TGFBR3: variants seen among roughly 807,000 people sequenced by gnomAD.
TGFBR3 encodes the protein transforming growth factor beta receptor type 3.
TGFBR3 carries 46 observed loss-of-function variants against 87.9 expected under a neutral mutation model. The observed-to-expected ratio is 0.52, with a 90% confidence interval of 0.41 to 0.67. The LOEUF (loss-of-function observed/expected upper bound fraction) is 0.67, where lower values mean the gene tolerates loss of function less well. Among genes scored for constraint, TGFBR3 ranks in the 30% least tolerant of loss-of-function variants. TGFBR3 has a pLI of 0.00. For synonymous variants in TGFBR3, 381 were observed against 391.6 expected (o/e 0.97, Z 0.32); for missense variants, 866 against 1,041.9 (o/e 0.83, Z 2.32).
At chr1:91,803,628 C>A (rs1464795503) in intron 2 of TGFBR3, among the ~76,000 whole-genome samples, 1 of 151,806 alleles carries the variant, frequency 6.6e-6, no homozygotes, top group African/African-American at 2.4e-5. Flanking sequence ...GTAGCTTAAC[C>A]TACCCTAATT....
intron 3 of TGFBR3, among the ~76,000 whole-genome samples, chr1:91,780,551 C>T (rs866655303): frequency 2.5e-3 from 193 of 77,048 alleles, no homozygotes; most frequent in Admixed American, 4.8e-3. Context: ...GGGTCTAAGG[C>T]TTTTTTTTTT....
rs1557654477 is a variant in TGFBR3 at position 91,683,697 on chromosome 1, A to C, written c.*42T>G. On this transcript the variant is annotated 3_prime_UTR_variant, in exon 17 of 17. Coordinates refer to ENST00000212355, the MANE Select transcript of TGFBR3 (RefSeq NM_003243.5). ...CCTGCCCTTGGCAGTAGCTGAGCTG[A>C]GCTGGGCTGGGCTGGGTTGGGCCGG... 6.8e-7 allele frequency: 1 copy of C among 1,478,474 alleles called. No individual in the cohort carries two copies. The highest frequency in any genetic ancestry group is 9.1e-7 in the Non-Finnish European group (1 of 1,100,808). The allele number at this position is 1,478,474 out of a possible 1,614,324, so 91.6% of individuals were successfully genotyped here. A position where few individuals can be genotyped will look rare whatever the true frequency, so the allele number is the denominator to read the frequency against.
intron 3 of TGFBR3, among the ~76,000 whole-genome samples, chr1:91,779,737 C>A (rs974530270): frequency 1.4e-5 from 2 of 140,708 alleles, no homozygotes; most frequent in Admixed American, 1.4e-4. Context: ...GCATGGAACT[C>A]AAACTAATGT....
chr1:91,902,821 G>A (rs2479874), intron 1 of TGFBR3, among the ~76,000 whole-genome samples: 35 of 152,036 alleles, frequency 2.3e-4, no homozygotes, highest in East Asian at 3.9e-4. Context: ...AGTAGAGTTC[G>A]CATCAGAGAC....
At chr1:91,700,695 G>A (rs2100729961) in intron 14 of TGFBR3, among the ~76,000 whole-genome samples, 1 of 152,318 alleles carries the variant, frequency 6.6e-6, no homozygotes. Context: ...GCTAACTACA[G>A]AATGCACTAC....
intron 2 of TGFBR3, among the ~76,000 whole-genome samples, chr1:91,891,776 T>A (rs1425387308): frequency 6.6e-6 from 1 of 152,064 alleles, no homozygotes; most frequent in Non-Finnish European, 1.5e-5. Flanking sequence ...TAACCTATTA[T>A]CACAGACAGA....
chr1:91,803,648 G>T (rs1675726743), intron 2 of TGFBR3, among the ~76,000 whole-genome samples: 1 of 151,534 alleles, frequency 6.6e-6, no homozygotes, highest in South Asian at 2.1e-4. Context: ...TAATGTACTT[G>T]CCTTCTTTTA....
intron 7 of TGFBR3, among the ~76,000 whole-genome samples, chr1:91,725,479 T>C (rs1672518399): frequency 6.6e-6 from 1 of 152,224 alleles, no homozygotes; most frequent in South Asian, 2.1e-4. Flanking sequence ...TATAAGGAGA[T>C]AGGCATTACC....
chr1:91,696,091 A>G (rs937826396), intron 15 of TGFBR3, among the ~76,000 whole-genome samples: 8 of 152,226 alleles, frequency 5.3e-5, no homozygotes, highest in Non-Finnish European at 1.0e-4. Context: ...CTAAGGACCT[A>G]CTATTTGAAT....
chr1:91,881,638 C>T (rs529243956), intron 1 of TGFBR3, among the ~76,000 whole-genome samples: 21 of 152,200 alleles, frequency 1.4e-4, no homozygotes, highest in Middle Eastern at 6.8e-3. Context: ...GTAGTATAAG[C>T]GCAATGCTAA....
chr1:91,734,338 C>G (rs963837058), intron 5 of TGFBR3, among the ~76,000 whole-genome samples: 3 of 152,134 alleles, frequency 2.0e-5, no homozygotes, highest in Non-Finnish European at 4.4e-5. Context: ...TGTCTCAGCA[C>G]CACAAACTGA....
chr1:91,690,086 A>G (rs2100699979), intron 16 of TGFBR3, among the ~76,000 whole-genome samples: 1 of 152,320 alleles, frequency 6.6e-6, no homozygotes, highest in Non-Finnish European at 1.5e-5. Context: ...CCGAAACCTA[A>G]GCCAACAGTG....
rs1049568491 is a variant in TGFBR3 at position 91,719,531 on chromosome 1, A to G, written c.1414-67T>C. ...GCAGTTCTGTTGTATAATTGACACA[A>G]TTGACAATTGCCTGGTCTTCCAAGG... On this transcript the variant is annotated intron_variant, in intron 9 of 16. Transcript: ENST00000212355. The G allele has an allele frequency of 6.3e-6, 10 of 1,586,596 alleles. No homozygotes were observed. In the African/African-American group the frequency reaches 1.2e-4, roughly 19 times the overall value.
chr1:91,739,497 C>T (rs952510667), intron 4 of TGFBR3, among the ~76,000 whole-genome samples: 1 of 152,172 alleles, frequency 6.6e-6, no homozygotes, highest in African/African-American at 2.4e-5. Flanking sequence ...TTATAGCACA[C>T]CTTCTGCACT....
chr1:91,724,166 A>G (rs1263446662), intron 7 of TGFBR3, among the ~76,000 whole-genome samples: 2 of 152,194 alleles, frequency 1.3e-5, no homozygotes, highest in African/African-American at 4.8e-5. Flanking sequence ...TAGATTCAGA[A>G]TATTTTAGCT....
intron 3 of TGFBR3, among the ~76,000 whole-genome samples, chr1:91,793,805 CA>C (rs57943201): frequency 0.2 from 20,113 of 98,132 alleles, 1,335 homozygotes; most frequent in Middle Eastern, 0.28. Flanking sequence ...GACTCTGTCT[CA>C]AAAAAAAAAA....
chr1:91,727,935 C>T, intron 6 of TGFBR3, 129 bp from the exon 7 acceptor site: 2 of 1,059,156 alleles, frequency 1.9e-6, no homozygotes, highest in South Asian at 2.7e-5. Flanking sequence ...GATCCCAGGC[C>T]AATGACATGT....
At chr1:91,693,236 T>C (rs1671324508) in intron 16 of TGFBR3, among the ~76,000 whole-genome samples, 1 of 152,198 alleles carries the variant, frequency 6.6e-6, no homozygotes, top group Non-Finnish European at 1.5e-5. Context: ...AAAAAGTAAT[T>C]TTGAAGCTGT....
At chr1:91,743,383 G>C (rs1299854056) in intron 4 of TGFBR3, among the ~76,000 whole-genome samples, 1 of 152,080 alleles carries the variant, frequency 6.6e-6, no homozygotes, top group Non-Finnish European at 1.5e-5. Context: ...TAGATCAAAA[G>C]TGGATATTAA....
Sources: gnomAD v4.1 joint callset for allele counts (sites outside exome capture counted in the v4.1 genomes callset) on GRCh38, gnomAD v4.1.1 for gene constraint, MANE v1.5 for transcripts, NCBI Gene and HGNC (gene_info 2026-07-23, HGNC 2026-07-21) for gene names.